Variants in CCDC18 observed in about 807,000 individuals in gnomAD.
CCDC18 encodes coiled-coil domain containing 18.
In CCDC18, 157 loss-of-function variants were observed where a neutral mutation model predicts 196.0. The ratio of observed to expected loss-of-function variants is 0.80; its 90% CI spans 0.70 to 0.91. The LOEUF (loss-of-function observed/expected upper bound fraction) is 0.91. Among genes scored for constraint, CCDC18 ranks in the 40% least tolerant of loss-of-function variants. The pLI, the probability that CCDC18 is intolerant of heterozygous loss-of-function variation, is 0.00. For synonymous variants in CCDC18, 482 were observed against 529.2 expected, an observed-to-expected ratio of 0.91 and a Z score of 1.22; for missense variants, 1,465 against 1,611.6, an observed-to-expected ratio of 0.91 and a Z score of 1.56.
chr1:93,216,409 C>T (rs138481919), intron 12 of CCDC18, among the ~76,000 whole-genome samples: 29 of 152,246 alleles, frequency 1.9e-4, no homozygotes, highest in African/African-American at 6.7e-4. Context: ...CCTTTGTTTT[C>T]AGTATTTGTT....
chr1:93,271,138 G>A (rs116837469), intron 28 of CCDC18: 12,134 of 984,688 alleles, frequency 0.012, 93 homozygotes, highest in Non-Finnish European at 0.013. Context: ...GCAGTGAGAG[G>A]AATCCAGAGA....
chr1:93,242,589 A>T (rs1051084105), intron 21 of CCDC18, among the ~76,000 whole-genome samples: 2 of 152,196 alleles, frequency 1.3e-5, no homozygotes, highest in Admixed American at 6.5e-5. Flanking sequence ...CAGTCTCTCA[A>T]AGTCTTAATT....
chr1:93,245,761 C>T (rs79865626), intron 21 of CCDC18, among the ~76,000 whole-genome samples: 3,145 of 152,108 alleles, frequency 0.021, 40 homozygotes, highest in Non-Finnish European at 0.035. Context: ...TTGAAACACT[C>T]CTTTGATCTG....
chr1:93,182,997 A>C (rs1649986889), intron 1 of CCDC18, among the ~76,000 whole-genome samples: 1 of 152,162 alleles, frequency 6.6e-6, no homozygotes, highest in South Asian at 2.1e-4. Context: ...TGATTTCACC[A>C]TTTACAGTTT....
intron 6 of CCDC18, among the ~76,000 whole-genome samples, chr1:93,198,502 G>A (rs533048056): frequency 9.2e-5 from 14 of 152,172 alleles, no homozygotes; most frequent in African/African-American, 3.4e-4. Context: ...TGCTGGAAGT[G>A]TTCTCTATTT....
At chr1:93,208,707 G>A (rs989830330) in intron 9 of CCDC18, among the ~76,000 whole-genome samples, 6 of 149,268 alleles carry the variant, frequency 4.0e-5, no homozygotes, top group Non-Finnish European at 7.4e-5. Context: ...TCGCTTTGTC[G>A]CCAGGCTGGA....
chr1:93,216,453 CTTATAA>C (rs1656489987), intron 12 of CCDC18, among the ~76,000 whole-genome samples, 177 bp from the exon 13 acceptor site: 1 of 152,238 alleles, frequency 6.6e-6, no homozygotes, highest in South Asian at 2.1e-4. Context: ...TTGTAAAATA[CTTATAA>C]TTATGTGGGT....
chr1:93,236,796 A>G (rs1432565769), intron 19 of CCDC18, among the ~76,000 whole-genome samples: 2 of 152,248 alleles, frequency 1.3e-5, no homozygotes, highest in African/African-American at 4.8e-5. Context: ...ATGACAATAT[A>G]AAAGTGGTTC....
intron 3 of CCDC18, among the ~76,000 whole-genome samples, chr1:93,185,914 G>A (rs1205584590): frequency 6.6e-6 from 1 of 151,804 alleles, no homozygotes; most frequent in East Asian, 1.9e-4. Context: ...TTATACAGAT[G>A]AAATAATATT....
chr1:93,214,937 G>T lies in CCDC18; in HGVS notation c.1690G>T (p.Ala564Ser), dbSNP rs759297290. Reference protein sequence around the residue: ...QLIQEELLEKASNSSKLESEM... With the variant: ...QLIQEELLEKSSNSSKLESEM... Reference sequence around the variant, plus strand: ...GATTCAAGAGGAGCTGCTAGAGAAAGCTTCAAACTCCAGCAAACTGGAAAG... The same window carrying T: ...GATTCAAGAGGAGCTGCTAGAGAAATCTTCAAACTCCAGCAAACTGGAAAG... Residue 564 changes from alanine to serine, a missense_variant, in exon 12 of 29, where the codon GCT becomes TCT. Physicochemically the swap from Ala to Ser is moderately conservative, Grantham distance 99. Coordinates refer to ENST00000690025, the MANE Select transcript of CCDC18 (RefSeq NM_001378204.1). 1.9e-6 allele frequency: 3 copies of T among 1,606,178 alleles called. No individual in the cohort carries two copies. In the South Asian group the frequency reaches 3.3e-5, roughly 18 times the overall value.
chr1:93,268,018 C>T (rs560529584), intron 27 of CCDC18, among the ~76,000 whole-genome samples: 47 of 151,564 alleles, frequency 3.1e-4, no homozygotes, highest in African/African-American at 1.1e-3. Flanking sequence ...GGAGGCATCA[C>T]GCTTCCTGAC....
At chr1:93,180,455 C>T, upstream of CCDC18, 1 of 1,397,876 alleles carries the variant, frequency 7.2e-7, no homozygotes, top group Admixed American at 2.6e-5. Flanking sequence ...TCCTATTCCG[C>T]AACCGCCTCA....
chr1:93,224,467 T>C (rs1215288571), intron 16 of CCDC18, among the ~76,000 whole-genome samples: 4 of 152,236 alleles, frequency 2.6e-5, no homozygotes. Context: ...ATAGCCTTGC[T>C]ACTCAAAGCA....
chr1:93,213,216 A>T (rs1237653646), intron 11 of CCDC18, among the ~76,000 whole-genome samples: 1 of 152,048 alleles, frequency 6.6e-6, no homozygotes, highest in Non-Finnish European at 1.5e-5. Flanking sequence ...GACTGGTACC[A>T]GTCCGTGGCC....
intron 8 of CCDC18, among the ~76,000 whole-genome samples, chr1:93,206,738 T>C (rs748226285): frequency 7.2e-5 from 11 of 152,102 alleles, no homozygotes; most frequent in Non-Finnish European, 1.6e-4. Context: ...ATCCAAAACT[T>C]TGTTGATAAT....
upstream of CCDC18, chr1:93,180,630 C>G (rs749127982): frequency 1.4e-5 from 19 of 1,334,392 alleles, no homozygotes; most frequent in African/African-American, 2.5e-4. Context: ...CGACCACGAT[C>G]CCCGGCAAGC....
At chr1:93,195,055 G>C (rs1652477779) in intron 6 of CCDC18, among the ~76,000 whole-genome samples, 1 of 152,114 alleles carries the variant, frequency 6.6e-6, no homozygotes, top group Admixed American at 6.5e-5. Context: ...ATTTTTAGTA[G>C]AGACTGGGTT....
At chr1:93,255,427 C>T (rs746061223) in intron 24 of CCDC18, among the ~76,000 whole-genome samples, 41 of 152,100 alleles carry the variant, frequency 2.7e-4, no homozygotes, top group Non-Finnish European at 7.4e-5. Context: ...CCTCCACTTG[C>T]TCTTTTAAAA....
chr1:93,181,032 G>A, intron 1 of CCDC18, 180 bp downstream of exon 1: 3 of 574,898 alleles, frequency 5.2e-6, no homozygotes, highest in Non-Finnish European at 8.4e-6. Flanking sequence ...ATGAAAAATA[G>A]GAGGCCGGGC....
Sources: allele counts gnomAD v4.1 joint callset (sites outside exome capture counted in the v4.1 genomes callset), GRCh38; gene constraint gnomAD v4.1.1; transcripts MANE v1.5; gene names NCBI Gene and HGNC (gene_info 2026-07-23, HGNC 2026-07-21).